Variants in ARFGEF1 observed in about 807,000 individuals in gnomAD.
The protein encoded by ARFGEF1 is brefeldin A-inhibited guanine nucleotide-exchange protein 1.
A neutral mutation model predicts 231.0 loss-of-function variants in ARFGEF1; 42 were observed. The observed-to-expected ratio is 0.18, with a 90% confidence interval of 0.14 to 0.24. ARFGEF1 has a LOEUF of 0.24. Among genes scored for constraint, ARFGEF1 ranks in the 10% least tolerant of loss-of-function variants. The probability of loss-of-function intolerance (pLI) is 1.00; values close to 1 mark genes in which losing one functional copy is unlikely to be tolerated. For synonymous variants in ARFGEF1, 710 were observed against 732.3 expected, an observed-to-expected ratio of 0.97 and a Z score of 0.49; for missense variants, 1,345 against 2,192.0, an observed-to-expected ratio of 0.61 and a Z score of 7.72.
intron 14 of ARFGEF1, among the ~76,000 whole-genome samples, chr8:67,261,849 T>TA (rs1395376259): frequency 6.6e-6 from 1 of 151,490 alleles, no homozygotes; most frequent in African/African-American, 2.4e-5. Flanking sequence ...TTTTTTTTTT[T>TA]TTTAAAGAAA....
chr8:67,193,680 C>T, downstream of ARFGEF1: 12 of 1,256,258 alleles, frequency 9.6e-6, no homozygotes, highest in African/African-American at 1.5e-5. Context: ...CTTTCACTAA[C>T]GTCTGAGGGA....
At chr8:67,193,519 G>A (rs751014652), downstream of ARFGEF1, 4 of 1,612,616 alleles carry the variant, frequency 2.5e-6, no homozygotes, top group Admixed American at 3.3e-5. Context: ...TCTATATCCA[G>A]TGTAAATGTT....
At chr8:67,213,306 A>C (rs933624593) in intron 33 of ARFGEF1, among the ~76,000 whole-genome samples, 6 of 152,234 alleles carry the variant, frequency 3.9e-5, no homozygotes, top group African/African-American at 1.4e-4. Context: ...AACAGTACAA[A>C]TTTGAAAAGA....
intron 1 of ARFGEF1, among the ~76,000 whole-genome samples, chr8:67,304,271 C>T (rs1806636442): frequency 6.6e-6 from 1 of 152,318 alleles, no homozygotes; most frequent in African/African-American, 2.4e-5. Flanking sequence ...CTTATTCATA[C>T]AATACATACA....
intron 1 of ARFGEF1, among the ~76,000 whole-genome samples, chr8:67,328,558 G>C (rs1410901016): frequency 6.6e-6 from 1 of 152,114 alleles, no homozygotes; most frequent in Non-Finnish European, 1.5e-5. Flanking sequence ...TATGTTCCCT[G>C]TCCTCCATAT....
chr8:67,294,568 A>C (rs1806148642), intron 5 of ARFGEF1, among the ~76,000 whole-genome samples: 2 of 152,222 alleles, frequency 1.3e-5, no homozygotes, highest in South Asian at 4.1e-4. Flanking sequence ...AGGATTGAAC[A>C]ATCAATGTAT....
chr8:67,183,055 A>G (rs1381564982), intron 5 of ARFGEF1, among the ~76,000 whole-genome samples: 2 of 152,212 alleles, frequency 1.3e-5, no homozygotes, highest in Non-Finnish European at 2.9e-5. Context: ...GCCAAATCCA[A>G]TACCATGAAG....
chr8:67,261,656 A>G (rs1015519681), intron 14 of ARFGEF1, among the ~76,000 whole-genome samples: 4 of 152,282 alleles, frequency 2.6e-5, no homozygotes, highest in Admixed American at 6.5e-5. Context: ...TCCATTCTGC[A>G]GCCCTTGGAT....
At position 67,198,504 on chromosome 8, in the gene ARFGEF1, CAAT is replaced by C; in HGVS notation, c.*427_*429del. 2.0e-6 allele frequency: 2 copies of C among 989,722 alleles called. No homozygotes were observed. Among genetic ancestry groups the C allele is most frequent in the Non-Finnish European group, 2.4e-6 (2 of 832,844 alleles). The allele number at this position is 989,722 out of a possible 1,614,324, so 61.3% of individuals were successfully genotyped here. A position where few individuals can be genotyped will look rare whatever the true frequency, so the allele number is the denominator to read the frequency against. On this transcript the variant is annotated 3_prime_UTR_variant, in exon 39 of 39. Transcript: ENST00000262215. ...GTTGCTAAATATCTTTTACCATGAA[CAAT>C]AATTTCTTCTTCTCTCCCCACTCCC... is the stretch of plus-strand genomic sequence containing the variant.
chr8:67,204,087 C>A (rs546450095), intron 35 of ARFGEF1, among the ~76,000 whole-genome samples: 1 of 152,310 alleles, frequency 6.6e-6, no homozygotes, highest in Non-Finnish European at 1.5e-5. Context: ...ACATAGCAAA[C>A]CCCTCTCTTG....
At chr8:67,264,254 A>C (rs1458683369) in intron 14 of ARFGEF1, among the ~76,000 whole-genome samples, 2 of 152,174 alleles carry the variant, frequency 1.3e-5, no homozygotes, top group Non-Finnish European at 2.9e-5. Flanking sequence ...GGAAATAAAT[A>C]ATCATGATTT....
chr8:67,177,943 C>G (rs1267563864), intron 5 of ARFGEF1, among the ~76,000 whole-genome samples: 2 of 152,094 alleles, frequency 1.3e-5, no homozygotes, highest in African/African-American at 2.4e-5. Flanking sequence ...CTAGGCTGTT[C>G]CAGTGAGTCT....
chr8:67,244,273 C>T lies in ARFGEF1; in HGVS notation c.2851-3983G>A, dbSNP rs1407578382. Among the ~76,000 whole-genome samples the T allele has an allele frequency of 2.4e-4, 4 of 16,406 alleles. 1 individual carries two copies. The highest frequency in any genetic ancestry group is 4.0e-4 in the Non-Finnish European group (4 of 10,122). The allele number at this position is 16,406 out of a possible 152,430, so 10.8% of individuals were successfully genotyped here. On this transcript the variant is annotated intron_variant, in intron 19 of 38. Transcript: ENST00000262215. ...AAAAAAAAAAAAAAAAAAAAACATT[C>T]GACTACTGAGTCTCTCGTCTCTCTC...
Position 67,241,209 on chromosome 8 carries a change from C to CA in ARFGEF1, c.2851-920dup, listed in dbSNP as rs201615034. 3.9e-5 allele frequency among the ~76,000 whole-genome samples: 6 copies of CA among 151,928 alleles called. No homozygotes were observed. The East Asian group carries it at 9.6e-4, about 24-fold the overall frequency. On this transcript the variant is annotated intron_variant, in intron 19 of 38. Coordinates refer to ENST00000262215, the MANE Select transcript of ARFGEF1 (RefSeq NM_006421.5). ...GAAGTAAACATTTATAATCTCTAAACAAAAAAAACATAAGTCATAGAACCT... is the reference window on the plus strand; with the variant it reads ...GAAGTAAACATTTATAATCTCTAAACAAAAAAAAACATAAGTCATAGAACCT...
At chr8:67,329,658 ATT>A (rs1002363023) in intron 1 of ARFGEF1, among the ~76,000 whole-genome samples, 2 of 151,678 alleles carry the variant, frequency 1.3e-5, no homozygotes, top group East Asian at 1.9e-4. Context: ...CAAAAAAAAA[ATT>A]TTTGTTTTCT....
intron 1 of ARFGEF1, among the ~76,000 whole-genome samples, chr8:67,321,626 AT>A (rs890242156): frequency 1.3e-5 from 2 of 149,468 alleles, no homozygotes; most frequent in African/African-American, 2.5e-5. Flanking sequence ...ACGCCCGGCT[AT>A]TTTTTTTTAT....
At chr8:67,227,662 A>AT in intron 25 of ARFGEF1, 64 bp from the exon 26 acceptor site, 2 of 1,545,470 alleles carry the variant, frequency 1.3e-6, no homozygotes, top group Non-Finnish European at 1.8e-6. Context: ...ACAATTCTTT[A>AT]TTTTTTGTTT....
At chr8:67,244,468 C>T (rs1840043903) in intron 19 of ARFGEF1, among the ~76,000 whole-genome samples, 1 of 148,602 alleles carries the variant, frequency 6.7e-6, no homozygotes, top group African/African-American at 2.5e-5. Context: ...GCCACTATAC[C>T]TGGCTAATTT....
chr8:67,241,319 A>G (rs1201287494), intron 19 of ARFGEF1, among the ~76,000 whole-genome samples: 3 of 152,246 alleles, frequency 2.0e-5, no homozygotes. Context: ...GCCACTACAG[A>G]GAGAAGCTGA....
Sources: gnomAD v4.1 joint callset for allele counts (sites outside exome capture counted in the v4.1 genomes callset) on GRCh38, gnomAD v4.1.1 for gene constraint, MANE v1.5 for transcripts, NCBI Gene and HGNC (gene_info 2026-07-23, HGNC 2026-07-21) for gene names.